Variants in EXOC6 observed in about 807,000 individuals in gnomAD.
EXOC6 encodes exocyst complex component 6.
A neutral mutation model predicts 112.5 loss-of-function variants in EXOC6; 60 were observed. The ratio of observed to expected loss-of-function variants is 0.53; its 90% CI spans 0.43 to 0.66. The LOEUF is 0.66. Among genes scored for constraint, EXOC6 ranks in the 30% least tolerant of loss-of-function variants. EXOC6 has a pLI of 0.00. For synonymous variants in EXOC6, 295 were observed against 308.0 expected, an observed-to-expected ratio of 0.96 and a Z score of 0.44; for missense variants, 855 against 957.1, an observed-to-expected ratio of 0.89 and a Z score of 1.41.
intron 19 of EXOC6, among the ~76,000 whole-genome samples, chr10:93,004,322 ATGTT>A (rs71942995): frequency 0.08 from 12,128 of 152,178 alleles, 535 homozygotes; most frequent in Admixed American, 0.14. Context: ...AGGTCTACAG[ATGTT>A]TGTTTATTGA....
intron 5 of EXOC6, among the ~76,000 whole-genome samples, chr10:92,902,794 C>G (rs1258070863): frequency 6.6e-6 from 1 of 152,108 alleles, no homozygotes; most frequent in Admixed American, 6.5e-5. Context: ...GAAATAACCA[C>G]TTTCTGATTT....
chr10:92,940,749 G>A lies in EXOC6; in HGVS notation c.1235G>A (p.Arg412Gln), dbSNP rs1852620276. The change falls in exon 13 of 22, where the codon CGA becomes CAA. Residue 412 changes from arginine (R) to glutamine (Q), a missense_variant. Arg to Gln is a conservative substitution (Grantham distance 43). Coordinates refer to ENST00000260762, the MANE Select transcript of EXOC6 (RefSeq NM_019053.6). ...TAGGGTTATGGTTTTCCAGTGAACC[G>A]ACTTTTTGACCTTTTATTTGAAATA... The part of the protein sequence containing the change: ...TLQGYGFPVN[R>Q]LFDLLFEIRD... 2.5e-6 allele frequency: 4 copies of A among 1,597,808 alleles called. No homozygotes were observed. The highest frequency in any genetic ancestry group is 2.3e-5 in the East Asian group (1 of 44,340).
chr10:93,010,805 T>C (rs1363284696), intron 19 of EXOC6, among the ~76,000 whole-genome samples: 1 of 152,106 alleles, frequency 6.6e-6, no homozygotes, highest in Non-Finnish European at 1.5e-5. Flanking sequence ...CAAGATTTTA[T>C]GATCCATCAT....
At chr10:92,865,459 C>G (rs1234019172) in intron 1 of EXOC6, among the ~76,000 whole-genome samples, 1 of 152,010 alleles carries the variant, frequency 6.6e-6, no homozygotes, top group Admixed American at 6.5e-5. Flanking sequence ...TAGCTTTAAC[C>G]CCATGAGGTG....
chr10:92,895,822 A>C (rs984704806), intron 4 of EXOC6, among the ~76,000 whole-genome samples: 1 of 142,692 alleles, frequency 7.0e-6, no homozygotes, highest in African/African-American at 2.6e-5. Context: ...GTCTTAGTGT[A>C]GTGTTGGGAT....
intron 20 of EXOC6, among the ~76,000 whole-genome samples, chr10:93,027,607 TA>T (rs1845086674): frequency 6.6e-6 from 1 of 152,184 alleles, no homozygotes; most frequent in East Asian, 1.9e-4. Flanking sequence ...CAAGGGCCCT[TA>T]AGAATTGTTA....
intron 1 of EXOC6, among the ~76,000 whole-genome samples, chr10:92,887,965 G>T (rs995272152): frequency 1.3e-5 from 2 of 152,114 alleles, no homozygotes; most frequent in Admixed American, 1.3e-4. Context: ...GGTGACACGT[G>T]GGGGTATCAG....
intron 13 of EXOC6, among the ~76,000 whole-genome samples, chr10:92,946,007 G>T (rs1313608236): frequency 6.6e-6 from 1 of 152,052 alleles, no homozygotes; most frequent in Non-Finnish European, 1.5e-5. Context: ...AGAATCGCTT[G>T]AGGCCGGGCA....
intron 1 of EXOC6, among the ~76,000 whole-genome samples, chr10:92,886,232 A>G (rs975262135): frequency 1.3e-5 from 2 of 152,226 alleles, no homozygotes; most frequent in Non-Finnish European, 2.9e-5. Flanking sequence ...TCAAAGAATA[A>G]TGATTATCAT....
At chr10:92,946,046 T>C (rs1024782535) in intron 13 of EXOC6, among the ~76,000 whole-genome samples, 2 of 151,894 alleles carry the variant, frequency 1.3e-5, no homozygotes, top group African/African-American at 4.8e-5. Context: ...ATCCCAGCAC[T>C]TTGGGAGGCC....
chr10:92,907,784 A>C (rs1206514427), intron 5 of EXOC6, among the ~76,000 whole-genome samples: 1 of 152,156 alleles, frequency 6.6e-6, no homozygotes, highest in Non-Finnish European at 1.5e-5. Flanking sequence ...TCATTATTTC[A>C]CTTCATCAAG....
At chr10:93,008,978 G>A (rs894409237) in intron 19 of EXOC6, among the ~76,000 whole-genome samples, 6 of 152,134 alleles carry the variant, frequency 3.9e-5, no homozygotes, top group Admixed American at 1.3e-4. Flanking sequence ...TCAGCACTTC[G>A]AGAGGCCAGG....
intron 1 of EXOC6, among the ~76,000 whole-genome samples, chr10:92,876,430 G>T (rs553062196): frequency 6.6e-6 from 1 of 152,272 alleles, no homozygotes; most frequent in South Asian, 2.1e-4. Flanking sequence ...TAGGTCATTT[G>T]CCCCCTGCAC....
At chr10:92,893,588 A>G in intron 2 of EXOC6, 68 bp downstream of exon 2, 3 of 1,293,372 alleles carry the variant, frequency 2.3e-6, no homozygotes, top group Non-Finnish European at 2.2e-6. Flanking sequence ...TTGATAGTAC[A>G]TATGTACAAG....
chr10:92,894,643 A>G, intron 2 of EXOC6, 151 bp from the exon 3 acceptor site: 2 of 608,076 alleles, frequency 3.3e-6, no homozygotes, highest in Non-Finnish European at 5.7e-6. Context: ...TTTTCAATCA[A>G]AAGTTCAAGT....
intron 1 of EXOC6, among the ~76,000 whole-genome samples, chr10:92,841,201 C>T (rs1846838050): frequency 6.6e-6 from 1 of 152,142 alleles, no homozygotes; most frequent in African/African-American, 2.4e-5. Context: ...CTTTGATTAA[C>T]ATCTTTCCTT....
intron 1 of EXOC6, among the ~76,000 whole-genome samples, chr10:92,884,661 G>A (rs1849125283): frequency 6.6e-6 from 1 of 152,132 alleles, no homozygotes. Flanking sequence ...TCCTCAAAGT[G>A]TAGACATTAT....
At chr10:92,912,718 TACAA>T (rs1169975587) in intron 6 of EXOC6, among the ~76,000 whole-genome samples, 2 of 152,160 alleles carry the variant, frequency 1.3e-5, no homozygotes, top group African/African-American at 4.8e-5. Context: ...AAAAGCTGGT[TACAA>T]ACAATCTATA....
At chr10:93,027,257 A>G (rs1845069877) in intron 20 of EXOC6, among the ~76,000 whole-genome samples, 1 of 152,208 alleles carries the variant, frequency 6.6e-6, no homozygotes, top group Admixed American at 6.5e-5. Flanking sequence ...GTTTGAAGGT[A>G]GCTGAGGTTG....
Sources: allele counts gnomAD v4.1 joint callset (sites outside exome capture counted in the v4.1 genomes callset), GRCh38; gene constraint gnomAD v4.1.1; transcripts MANE v1.5; gene names NCBI Gene and HGNC (gene_info 2026-07-23, HGNC 2026-07-21).